Variants in STAG1 observed in about 807,000 individuals in gnomAD.
STAG1 encodes cohesin subunit SA-1.
In STAG1, 26 loss-of-function variants were observed where a neutral mutation model predicts 170.9. The ratio of observed to expected loss-of-function variants is 0.15; its 90% confidence interval spans 0.11 to 0.21. STAG1 has a LOEUF of 0.21. Among genes scored for constraint, STAG1 ranks in the 10% least tolerant of loss-of-function variants. The pLI, the probability that STAG1 is intolerant of heterozygous loss-of-function variation, is 1.00. For synonymous variants in STAG1, 514 were observed against 497.7 expected, an observed-to-expected ratio of 1.03 and a Z score of -0.44; for missense variants, 964 against 1,509.5, an observed-to-expected ratio of 0.64 and a Z score of 5.99.
At position 136,595,162 on chromosome 3, in the gene STAG1, A is replaced by C. The variant is rs140143862; in HGVS notation, c.297+9147T>G. The stretch of plus-strand genomic sequence containing the variant: ...AACAAGCTCTTACTCATAACTACTA[A>C]AGCAAAAAATATCACTTAGACTACA... On this transcript the variant is annotated intron_variant, in intron 4 of 33. Coordinates refer to ENST00000383202, the MANE Select transcript of STAG1 (RefSeq NM_005862.3). Among the ~76,000 whole-genome samples, 898 of 152,236 alleles carry C rather than the reference A, an allele frequency of 5.9e-3. 13 individuals carry two copies. Among genetic ancestry groups the C allele is most frequent in the African/African-American group, 0.019 (805 of 41,540 alleles).
At chr3:136,476,942 T>G (rs999045264) in intron 10 of STAG1, among the ~76,000 whole-genome samples, 2 of 152,098 alleles carry the variant, frequency 1.3e-5, no homozygotes, top group Admixed American at 1.3e-4. Context: ...AGAAAATTTT[T>G]TTTAAAAAAA....
intron 8 of STAG1, 95 bp downstream of exon 8, chr3:136,502,533 C>T (rs1051413913): frequency 2.0e-5 from 26 of 1,329,548 alleles, no homozygotes; most frequent in Admixed American, 1.3e-4. Context: ...TAAATATACA[C>T]ATAAACCTTT....
At chr3:136,634,494 C>T (rs1333557724) in intron 1 of STAG1, among the ~76,000 whole-genome samples, 1 of 148,946 alleles carries the variant, frequency 6.7e-6, no homozygotes, top group Non-Finnish European at 1.5e-5. Context: ...TTTTTAAAAA[C>T]CAGAGAAATT....
At chr3:136,556,037 C>T (rs73228025) in intron 5 of STAG1, among the ~76,000 whole-genome samples, 9,307 of 152,078 alleles carry the variant, frequency 0.061, 375 homozygotes, top group Non-Finnish European at 0.094. Context: ...AAGTTGAATT[C>T]GTTCTAGGAA....
chr3:136,389,434 A>T (rs1299567713), intron 22 of STAG1, among the ~76,000 whole-genome samples: 1 of 152,134 alleles, frequency 6.6e-6, no homozygotes, highest in Admixed American at 6.6e-5. Context: ...CTGGGACTAC[A>T]GGCGCACACC....
At chr3:136,476,855 A>C (rs1365593224) in intron 10 of STAG1, among the ~76,000 whole-genome samples, 1 of 152,198 alleles carries the variant, frequency 6.6e-6, no homozygotes, top group African/African-American at 2.4e-5. Context: ...AGGCAGAATT[A>C]GATTTTTAGA....
chr3:136,462,710 G>C (rs1401607426), intron 13 of STAG1, among the ~76,000 whole-genome samples: 1 of 152,142 alleles, frequency 6.6e-6, no homozygotes, highest in Non-Finnish European at 1.5e-5. Context: ...TATTTGAGGT[G>C]ATGGATATCC....
chr3:136,616,695 C>T (rs1026828461), intron 3 of STAG1, among the ~76,000 whole-genome samples: 1 of 152,040 alleles, frequency 6.6e-6, no homozygotes, highest in East Asian at 1.9e-4. Flanking sequence ...CTGCTTGAGC[C>T]GAGGAGTTTG....
chr3:136,356,057 GTT>G (rs77325026), intron 28 of STAG1, among the ~76,000 whole-genome samples: 18 of 134,788 alleles, frequency 1.3e-4, no homozygotes, highest in Admixed American at 2.2e-4. Flanking sequence ...TTGTCTGCCT[GTT>G]TTTTTTTTTT....
chr3:136,376,051 C>T (rs61789640), intron 23 of STAG1, among the ~76,000 whole-genome samples: 342 of 16,458 alleles, frequency 0.021, no homozygotes, highest in East Asian at 0.1. Flanking sequence ...TAAAATAAAA[C>T]AAAATAAAAT....
intron 9 of STAG1, chr3:136,499,978 T>C (rs1196025825): frequency 2.8e-6 from 1 of 360,860 alleles, no homozygotes; most frequent in Non-Finnish European, 5.1e-6. Context: ...TCCATCAGTA[T>C]AAATCCAAGT....
intron 16 of STAG1, among the ~76,000 whole-genome samples, chr3:136,426,267 G>A (rs2088121221): frequency 6.6e-6 from 1 of 152,014 alleles, no homozygotes; most frequent in Non-Finnish European, 1.5e-5. Context: ...AAAATTAGCT[G>A]CGTGAGGTGG....
intron 1 of STAG1, among the ~76,000 whole-genome samples, chr3:136,722,234 AT>A (rs535748041): frequency 6.2e-4 from 94 of 152,270 alleles, no homozygotes; most frequent in African/African-American, 2.2e-3. Flanking sequence ...GGAAAAAAAA[AT>A]GATGTACTAA....
intron 14 of STAG1, 94 bp downstream of exon 14, chr3:136,451,939 T>C (rs2088954328): frequency 2.5e-6 from 2 of 784,598 alleles, no homozygotes; most frequent in Non-Finnish European, 2.0e-6. Flanking sequence ...AGAAACAGAC[T>C]TGTTTTTATT....
At chr3:136,633,383 G>A (rs967921957) in intron 1 of STAG1, among the ~76,000 whole-genome samples, 9 of 152,130 alleles carry the variant, frequency 5.9e-5, no homozygotes, top group African/African-American at 2.2e-4. Flanking sequence ...GAAGGAATTT[G>A]TCCCTAGACA....
intron 1 of STAG1, among the ~76,000 whole-genome samples, chr3:136,705,929 C>A (rs943386860): frequency 6.6e-6 from 1 of 151,410 alleles, no homozygotes; most frequent in African/African-American, 2.4e-5. Flanking sequence ...ATCACTTGAG[C>A]CCAGGAGTTC....
intron 22 of STAG1, among the ~76,000 whole-genome samples, chr3:136,379,585 T>C (rs550101646): frequency 4.9e-4 from 75 of 152,220 alleles, no homozygotes; most frequent in Non-Finnish European, 3.2e-4. Context: ...GGTGCATGCC[T>C]GTAATCCCAG....
chr3:136,411,381 A>G (rs1304946398), intron 21 of STAG1, among the ~76,000 whole-genome samples: 1 of 152,196 alleles, frequency 6.6e-6, no homozygotes, highest in African/African-American at 2.4e-5. Flanking sequence ...TGATATTTAA[A>G]TTTAAAACTA....
chr3:136,479,218 C>G, intron 9 of STAG1, among the ~76,000 whole-genome samples: 1 of 111,504 alleles, frequency 9.0e-6, no homozygotes, highest in Admixed American at 1.0e-4. Context: ...CCAATGCTAT[C>G]CCTCCCCCCT....
Sources: gnomAD v4.1 joint callset for allele counts (sites outside exome capture counted in the v4.1 genomes callset) on GRCh38, gnomAD v4.1.1 for gene constraint, MANE v1.5 for transcripts, NCBI Gene and HGNC (gene_info 2026-07-23, HGNC 2026-07-21) for gene names.